SLMAP: variants seen among roughly 807,000 people sequenced by gnomAD.
SLMAP encodes sarcolemma associated protein.
Under a neutral mutation model 128.8 loss-of-function variants are expected in SLMAP, and 44 were observed. The ratio of observed to expected loss-of-function variants is 0.34; its 90% CI spans 0.27 to 0.44. The LOEUF (loss-of-function observed/expected upper bound fraction) is 0.44. Among genes scored for constraint, SLMAP ranks in the 20% least tolerant of loss-of-function variants. The pLI is 1.00. For missense variants in SLMAP, 787 were observed against 985.3 expected (o/e 0.80, Z 2.69); for synonymous variants, 327 against 348.8 (o/e 0.94, Z 0.70).
At chr3:57,885,466 C>A (rs536699056) in intron 14 of SLMAP, among the ~76,000 whole-genome samples, 1 of 144,550 alleles carries the variant, frequency 6.9e-6, no homozygotes. Context: ...GTCGCCCAGG[C>A]TAGAGTGCAG....
At chr3:57,785,526 T>C (rs1559977353) in intron 2 of SLMAP, among the ~76,000 whole-genome samples, 1 of 152,210 alleles carries the variant, frequency 6.6e-6, no homozygotes, top group Admixed American at 6.5e-5. Context: ...TTCCCTGATA[T>C]ATGAATTTTG....
chr3:57,851,518 G>A (rs1490858683), intron 6 of SLMAP, among the ~76,000 whole-genome samples: 1 of 149,770 alleles, frequency 6.7e-6, no homozygotes, highest in African/African-American at 2.5e-5. Flanking sequence ...TGTCACCCAC[G>A]CTGGAGTGCA....
intron 2 of SLMAP, among the ~76,000 whole-genome samples, chr3:57,809,867 C>T (rs1426348130): frequency 6.6e-6 from 1 of 152,228 alleles, no homozygotes; most frequent in Admixed American, 6.5e-5. Context: ...TTGCCTTGCT[C>T]ACCCTCCACT....
In SLMAP at chr3:57,846,119, TGTGA is replaced by T. The variant is rs1393660688; in HGVS notation, c.420-1076_420-1073del. ...CCTCCCAAAGTCCTGGGATTACAGG[TGTGA>T]GCCACTGTGCCTGACTCGATTATCT... On this transcript the variant is annotated intron_variant, in intron 4 of 24. Transcript: ENST00000671191. Among the ~76,000 whole-genome samples the T allele has an allele frequency of 4.4e-4, 67 of 152,270 alleles. 1 individual carries two copies. Among genetic ancestry groups the T allele is most frequent in the African/African-American group, 1.5e-3 (61 of 41,556 alleles).
intron 2 of SLMAP, among the ~76,000 whole-genome samples, chr3:57,793,508 A>T (rs775176684): frequency 6.6e-6 from 1 of 152,178 alleles, no homozygotes; most frequent in South Asian, 2.1e-4. Flanking sequence ...TCTATCTTTC[A>T]TCATTACCTC....
chr3:57,862,894 C>A (rs2095152894), intron 10 of SLMAP, among the ~76,000 whole-genome samples: 1 of 152,172 alleles, frequency 6.6e-6, no homozygotes, highest in Non-Finnish European at 1.5e-5. Context: ...TTTAGCCCAA[C>A]CTCCATTACT....
intron 14 of SLMAP, among the ~76,000 whole-genome samples, chr3:57,881,887 A>G (rs2095753955): frequency 6.6e-6 from 1 of 152,146 alleles, no homozygotes; most frequent in African/African-American, 2.4e-5. Context: ...GTCTCAACCA[A>G]CTGGGAGGCT....
intron 2 of SLMAP, among the ~76,000 whole-genome samples, chr3:57,768,172 G>A (rs1046889569): frequency 3.9e-5 from 6 of 152,138 alleles, no homozygotes; most frequent in Admixed American, 3.9e-4. Context: ...GCTTATATAG[G>A]CACTTGAAAA....
intron 2 of SLMAP, among the ~76,000 whole-genome samples, chr3:57,773,534 AC>A (rs779406430): frequency 6.6e-6 from 1 of 152,156 alleles, no homozygotes; most frequent in Non-Finnish European, 1.5e-5. Context: ...TAGGGCAAAA[AC>A]CTTTAGGAAA....
intron 2 of SLMAP, among the ~76,000 whole-genome samples, chr3:57,809,634 G>T (rs958080207): frequency 3.9e-5 from 6 of 152,218 alleles, no homozygotes; most frequent in African/African-American, 1.4e-4. Flanking sequence ...CCTAAAGGCT[G>T]GGGGCCAGCC....
intron 14 of SLMAP, among the ~76,000 whole-genome samples, chr3:57,887,809 C>G (rs753938346): frequency 1.3e-5 from 2 of 152,124 alleles, no homozygotes; most frequent in Non-Finnish European, 2.9e-5. Flanking sequence ...GATGCCCAAA[C>G]AGAACAGGCA....
At chr3:57,836,883 A>G (rs1039260749) in intron 3 of SLMAP, among the ~76,000 whole-genome samples, 15 of 152,228 alleles carry the variant, frequency 9.9e-5, no homozygotes, top group African/African-American at 2.7e-4. Flanking sequence ...TTTCTGGGTC[A>G]CACATTATTA....
At chr3:57,870,778 T>C (rs892705736) in intron 13 of SLMAP, among the ~76,000 whole-genome samples, 9 of 152,204 alleles carry the variant, frequency 5.9e-5, no homozygotes, top group Non-Finnish European at 1.3e-4. Flanking sequence ...TTTCACACTT[T>C]CCAAGTAGTC....
chr3:57,839,673 G>C (rs2093827659), intron 3 of SLMAP, among the ~76,000 whole-genome samples: 1 of 151,902 alleles, frequency 6.6e-6, no homozygotes, highest in Non-Finnish European at 1.5e-5. Flanking sequence ...GCGTGATCTT[G>C]GCTCACTGCA....
At chr3:57,773,274 G>T (rs1204694811) in intron 2 of SLMAP, among the ~76,000 whole-genome samples, 1 of 152,172 alleles carries the variant, frequency 6.6e-6, no homozygotes, top group Non-Finnish European at 1.5e-5. Flanking sequence ...TGCATTTCAG[G>T]TAAGCGGTGG....
intron 5 of SLMAP, among the ~76,000 whole-genome samples, chr3:57,848,345 C>A (rs2094354379): frequency 6.6e-6 from 1 of 150,610 alleles, no homozygotes; most frequent in Admixed American, 6.6e-5. Context: ...CCTGTTTCTT[C>A]CTTTTACTTT....
At chr3:57,876,571 A>G (rs1238246847) in intron 14 of SLMAP, among the ~76,000 whole-genome samples, 1 of 152,234 alleles carries the variant, frequency 6.6e-6, no homozygotes, top group Non-Finnish European at 1.5e-5. Context: ...GGATTCAGAC[A>G]TGAGCTTGGT....
At chr3:57,876,028 A>G (rs1411808246) in intron 14 of SLMAP, among the ~76,000 whole-genome samples, 2 of 152,244 alleles carry the variant, frequency 1.3e-5, no homozygotes, top group Non-Finnish European at 2.9e-5. Context: ...TTGAATATGA[A>G]GTAAATATTT....
intron 2 of SLMAP, among the ~76,000 whole-genome samples, chr3:57,779,972 A>G (rs915145500): frequency 4.6e-5 from 7 of 151,786 alleles, no homozygotes; most frequent in Admixed American, 3.9e-4. Flanking sequence ...TTATATGCTT[A>G]TATTTATTTT....
Sources: gnomAD v4.1 joint callset for allele counts (sites outside exome capture counted in the v4.1 genomes callset) on GRCh38, gnomAD v4.1.1 for gene constraint, MANE v1.5 for transcripts, NCBI Gene and HGNC (gene_info 2026-07-23, HGNC 2026-07-21) for gene names.